ADAM7: variants seen among roughly 807,000 people sequenced by gnomAD.
ADAM7 encodes the protein ADAM metallopeptidase domain 7.
ADAM7 carries 97 observed loss-of-function variants against 102.9 expected under a neutral mutation model. The ratio of observed to expected loss-of-function variants is 0.94; its 90% CI spans 0.80 to 1.12. The LOEUF (loss-of-function observed/expected upper bound fraction) is 1.12, where lower values mean the gene tolerates loss of function less well. Among genes scored for constraint, ADAM7 ranks in the 50% most tolerant of loss-of-function variants. ADAM7 has a pLI of 0.00. For missense variants in ADAM7, 991 were observed against 908.7 expected (o/e 1.09, Z -1.16); for synonymous variants, 334 against 304.4 (o/e 1.10, Z -1.01).
chr8:24,475,577 G>A (rs568141569), intron 7 of ADAM7, among the ~76,000 whole-genome samples: 1 of 152,270 alleles, frequency 6.6e-6, no homozygotes, highest in Admixed American at 6.5e-5. Flanking sequence ...TAATCAGAGT[G>A]TAGTAGGTTG....
At chr8:24,453,735 T>C (rs1024441140) in intron 3 of ADAM7, among the ~76,000 whole-genome samples, 1 of 152,236 alleles carries the variant, frequency 6.6e-6, no homozygotes, top group Admixed American at 6.5e-5. Context: ...CTCTCCTTTA[T>C]AGAGTTTCCA....
In ADAM7 at chr8:24,476,472, C is replaced by T. The variant is rs777076478; in HGVS notation, c.673C>T (p.Arg225Ter). The change falls in exon 8 of 22, where the codon CGA (arginine) becomes TGA (stop). Residue 225 changes from arginine (R) to a stop codon, truncating the protein, a stop_gained. Transcript: ENST00000175238. LOFTEE classifies it high-confidence loss of function. ...TCATCCTCACAATAAACTAAGGAAC[C>T]GAATTTGGGGAATGGTCAATTTTGT... ...NGHPHNKLRN[R>*]IWGMVNFVNM... The T allele has an allele frequency of 3.9e-5, 63 of 1,608,168 alleles. No homozygotes were observed. The highest frequency in any genetic ancestry group is 3.3e-4 in the Middle Eastern group (2 of 6,032).
At chr8:24,447,006 T>A (rs969150181) in intron 2 of ADAM7, among the ~76,000 whole-genome samples, 180 bp from the exon 3 acceptor site, 2 of 151,646 alleles carry the variant, frequency 1.3e-5, no homozygotes, top group African/African-American at 4.8e-5. Flanking sequence ...GAATGAGGTT[T>A]GTAAAATCTT....
chr8:24,498,715 G>A lies in ADAM7; in HGVS notation c.1843-521G>A, dbSNP rs975074770. ...AAATAGATGAGTAAGGATGAATCAC[G>A]CAAAGACCAAAAATAACAAAACCAA... On this transcript the variant is annotated intron_variant, in intron 16 of 21. Transcript: ENST00000175238. Among the ~76,000 whole-genome samples the A allele has an allele frequency of 1.6e-4, 25 of 151,564 alleles. 1 individual carries two copies. Among genetic ancestry groups the A allele is most frequent in the Non-Finnish European group, 1.3e-4 (9 of 67,746 alleles).
chr8:24,501,702 G>A, intron 20 of ADAM7, 126 bp downstream of exon 20: 1 of 598,432 alleles, frequency 1.7e-6, no homozygotes, highest in East Asian at 3.0e-5. Context: ...ATTTAACATG[G>A]TTCCACACAC....
chr8:24,468,492 C>T, intron 6 of ADAM7, among the ~76,000 whole-genome samples: 1 of 150,780 alleles, frequency 6.6e-6, no homozygotes, highest in East Asian at 1.9e-4. Context: ...GCACATGTAC[C>T]TCGGAAATTA....
At position 24,463,923 on chromosome 8, in the gene ADAM7, T is replaced by C. The variant is rs2129380939; in HGVS notation, c.275T>C (p.Met92Thr). 2 of 1,613,804 alleles carry C rather than the reference T, an allele frequency of 1.2e-6. No individual in the cohort carries two copies. ...AATTACAGTGAAACATTCTACTCCA[T>C]GAAAGGAGAAGCGTTCACCAGGCAT... ...GSNYSETFYSMKGEAFTRHPQ... is the reference protein window; with the variant it reads ...GSNYSETFYSTKGEAFTRHPQ... Residue 92 changes from methionine (M) to threonine (T), a missense_variant, in exon 4 of 22, where the codon ATG becomes ACG. By Grantham distance (81) the Met-to-Thr change is moderately conservative (BLOSUM62 -1). Coordinates refer to ENST00000175238, the MANE Select transcript of ADAM7 (RefSeq NM_003817.4).
chr8:24,475,719 T>A (rs7002756), intron 7 of ADAM7, among the ~76,000 whole-genome samples: 1 of 152,060 alleles, frequency 6.6e-6, no homozygotes, highest in African/African-American at 2.4e-5. Flanking sequence ...GCAGGTTAAT[T>A]TCTTATTTTT....
chr8:24,493,373 T>A, intron 16 of ADAM7, 144 bp downstream of exon 16: 1 of 688,450 alleles, frequency 1.5e-6, no homozygotes, highest in Non-Finnish European at 2.2e-6. Flanking sequence ...AGGAGCAGAG[T>A]AGCAATAACA....
intron 14 of ADAM7, 48 bp downstream of exon 14, chr8:24,492,146 T>C: frequency 1.3e-6 from 2 of 1,545,900 alleles, no homozygotes; most frequent in Non-Finnish European, 1.8e-6. Flanking sequence ...TGGCCTCTAT[T>C]TCTCTGTTAT....
At chr8:24,448,657 TTTATTA>T (rs35847061) in intron 3 of ADAM7, among the ~76,000 whole-genome samples, 158 of 148,596 alleles carry the variant, frequency 1.1e-3, no homozygotes, top group African/African-American at 2.3e-3. Context: ...ATTCAGCTTG[TTTATTA>T]TTATTATTAT....
At position 24,489,294 on chromosome 8, in the gene ADAM7, G is replaced by T. The variant is rs1297237773; in HGVS notation, c.1227G>T (p.Lys409Asn). 2.5e-6 allele frequency: 4 copies of T among 1,613,452 alleles called. No homozygotes were observed. The highest frequency in any genetic ancestry group is 3.4e-6 in the Non-Finnish European group (4 of 1,179,646). The change falls in exon 12 of 22, where the codon AAG (lysine) becomes AAT (asparagine). Residue 409 changes from lysine to asparagine, a missense_variant. Lys to Asn is a moderately conservative substitution (Grantham distance 94). Transcript: ENST00000175238. ...FHDFQFCGNK[K>N]LDEGEECDCG... The stretch of plus-strand genomic sequence containing the variant: ...ATTTCCAATTTTGTGGAAACAAGAA[G>T]TTGGATGAGGGTGAAGAGTGTGACT...
intron 9 of ADAM7, among the ~76,000 whole-genome samples, chr8:24,483,176 T>G (rs1224346568): frequency 6.6e-6 from 1 of 152,148 alleles, no homozygotes; most frequent in Non-Finnish European, 1.5e-5. Context: ...TTAATTTCTT[T>G]AAAAAGGGGA....
intron 9 of ADAM7, among the ~76,000 whole-genome samples, chr8:24,484,036 C>T (rs1820050440): frequency 6.6e-6 from 1 of 152,088 alleles, no homozygotes; most frequent in South Asian, 2.1e-4. Flanking sequence ...AGTGGCAAGA[C>T]AGTATATATG....
At chr8:24,481,852 AC>A (rs1379924390) in intron 8 of ADAM7, among the ~76,000 whole-genome samples, 6 of 152,198 alleles carry the variant, frequency 3.9e-5, no homozygotes, top group African/African-American at 1.4e-4. Flanking sequence ...GAACTTTAAT[AC>A]ATTCTTCCAG....
intron 3 of ADAM7, among the ~76,000 whole-genome samples, chr8:24,450,024 T>C (rs12677192): frequency 0.12 from 18,060 of 151,958 alleles, 1,451 homozygotes; most frequent in East Asian, 0.38. Context: ...TGTTTTGGTA[T>C]GAGTACCATG....
chr8:24,443,932 A>AAAAAAT (rs891609464), intron 2 of ADAM7, among the ~76,000 whole-genome samples: 1 of 126,964 alleles, frequency 7.9e-6, no homozygotes, highest in African/African-American at 3.1e-5. Flanking sequence ...AGACTCTCTC[A>AAAAAAT]AAAAATAAAA....
intron 3 of ADAM7, among the ~76,000 whole-genome samples, chr8:24,452,271 T>A (rs1274557291): frequency 4.8e-4 from 73 of 150,606 alleles, no homozygotes; most frequent in African/African-American, 1.7e-3. Flanking sequence ...CCCATTATTA[T>A]TGTGTGGGAG....
At chr8:24,491,226 G>T (rs1820338184) in intron 13 of ADAM7, among the ~76,000 whole-genome samples, 5 of 152,184 alleles carry the variant, frequency 3.3e-5, no homozygotes, top group Admixed American at 3.3e-4. Flanking sequence ...AGGGAAAGGG[G>T]TTATATTAGC....
Sources: allele counts gnomAD v4.1 joint callset (sites outside exome capture counted in the v4.1 genomes callset), GRCh38; gene constraint gnomAD v4.1.1; transcripts MANE v1.5; gene names NCBI Gene and HGNC (gene_info 2026-07-23, HGNC 2026-07-21).